The following NNT variants were observed in gnomAD, a reference collection of about 807,000 sequenced individuals.
NNT encodes the protein NAD(P) transhydrogenase, mitochondrial.
A neutral mutation model predicts 104.8 loss-of-function variants in NNT; 50 were observed. The observed-to-expected ratio is 0.48, with a 90% CI of 0.38 to 0.60. The LOEUF (loss-of-function observed/expected upper bound fraction) is 0.60. Among genes scored for constraint, NNT ranks in the 20% least tolerant of loss-of-function variants. The pLI is 0.00. For synonymous variants in NNT, 461 were observed against 490.4 expected (o/e 0.94, Z 0.79); for missense variants, 1,131 against 1,330.7 (o/e 0.85, Z 2.33).
chr5:43,702,039 A>G (rs1489509137), intron 20 of NNT, among the ~76,000 whole-genome samples: 1 of 151,884 alleles, frequency 6.6e-6, no homozygotes, highest in Non-Finnish European at 1.5e-5. Flanking sequence ...ATTTGTGAAT[A>G]TTTTCTCTCA....
chr5:43,657,328 T>C (rs1256152015), intron 16 of NNT, among the ~76,000 whole-genome samples: 1 of 152,200 alleles, frequency 6.6e-6, no homozygotes, highest in Non-Finnish European at 1.5e-5. Flanking sequence ...AGGTTTGGCT[T>C]TCTTCTTTCT....
intron 10 of NNT, among the ~76,000 whole-genome samples, chr5:43,648,915 A>T (rs1243394003): frequency 6.6e-6 from 1 of 152,226 alleles, no homozygotes; most frequent in Non-Finnish European, 1.5e-5. Context: ...CATAAATATT[A>T]CTAGATCTTT....
intron 6 of NNT, among the ~76,000 whole-genome samples, chr5:43,627,153 T>C (rs1266099444): frequency 1.3e-5 from 2 of 152,212 alleles, no homozygotes; most frequent in East Asian, 3.8e-4. Flanking sequence ...GTCTTCCTCC[T>C]AAGGCTGATT....
At chr5:43,682,374 C>T (rs1460740574) in intron 19 of NNT, among the ~76,000 whole-genome samples, 1 of 141,094 alleles carries the variant, frequency 7.1e-6, no homozygotes, top group Non-Finnish European at 1.6e-5. Flanking sequence ...CCACGCCTGA[C>T]TAATTTTTGT....
In NNT at chr5:43,675,654, C is replaced by G. The variant is rs1451092520; in HGVS notation, c.2778C>G (p.Ser926Arg). 2.5e-6 allele frequency: 4 copies of G among 1,603,494 alleles called. No individual in the cohort carries two copies. Among genetic ancestry groups the G allele is most frequent in the Non-Finnish European group, 3.4e-6 (4 of 1,175,636 alleles). The change falls in exon 18 of 22, where the codon AGC becomes AGG. Residue 926 changes from serine (S) to arginine (R), a missense_variant. Transcript: ENST00000344920. ...NAIDMIREAN[S>R]IIITPGYGLC... is the part of the protein sequence containing the mutation. ...TTGACATGATTCGAGAAGCTAATAG[C>G]ATTATTATTACACCAGGTAAAGAAA...
At chr5:43,640,853 A>G (rs1374641780) in intron 7 of NNT, among the ~76,000 whole-genome samples, 7 of 150,830 alleles carry the variant, frequency 4.6e-5, no homozygotes, top group African/African-American at 1.7e-4. Flanking sequence ...ATTTTCATAT[A>G]CATCATATAT....
At position 43,705,532 on chromosome 5, in the gene NNT, G is replaced by C. The variant is rs1299699808; in HGVS notation, c.*1128G>C. On this transcript the variant is annotated 3_prime_UTR_variant, in exon 22 of 22. Coordinates refer to ENST00000344920, the MANE Select transcript of NNT (RefSeq NM_182977.3). ...TTGTGACTTTGCTATCGTGCCTAAA[G>C]CTCTAAATATAGGTGAATGTGTGAT... The C allele has an allele frequency of 6.6e-6, 1 of 151,920 alleles. No individual in the cohort carries two copies. Among genetic ancestry groups the C allele is most frequent in the Non-Finnish European group, 1.5e-5 (1 of 67,932 alleles). The allele number at this position is 151,920 out of a possible 1,614,324, so 9.4% of individuals were successfully genotyped here.
intron 17 of NNT, among the ~76,000 whole-genome samples, chr5:43,670,427 A>G (rs1034739115): frequency 1.2e-4 from 19 of 152,318 alleles, no homozygotes; most frequent in African/African-American, 4.6e-4. Flanking sequence ...TTAGTGCTAT[A>G]AATTTCCCTC....
At chr5:43,636,323 A>G (rs908834273) in intron 7 of NNT, among the ~76,000 whole-genome samples, 3 of 152,176 alleles carry the variant, frequency 2.0e-5, no homozygotes, top group African/African-American at 7.2e-5. Context: ...GATTATGTGG[A>G]CCATTGAAGA....
At chr5:43,700,379 A>G in intron 20 of NNT, 142 bp downstream of exon 20, 1 of 574,462 alleles carries the variant, frequency 1.7e-6, no homozygotes, top group South Asian at 2.6e-5. Context: ...ATAAGTTGAA[A>G]TTAAATAAGT....
chr5:43,672,968 C>G (rs994590611), intron 17 of NNT, among the ~76,000 whole-genome samples: 1 of 152,244 alleles, frequency 6.6e-6, no homozygotes, highest in African/African-American at 2.4e-5. Flanking sequence ...TTTACCTACT[C>G]AAGGCTCAGC....
chr5:43,669,087 T>C (rs1740888174), intron 17 of NNT, among the ~76,000 whole-genome samples: 1 of 152,198 alleles, frequency 6.6e-6, no homozygotes, highest in Admixed American at 6.5e-5. Flanking sequence ...TGTTTGTCTG[T>C]TATTGGTGTA....
chr5:43,609,358 C>G lies in NNT; in HGVS notation c.151+12C>G, dbSNP rs746531939. 12 of 1,611,992 alleles carry G rather than the reference C, an allele frequency of 7.4e-6. No homozygotes were observed. The highest frequency in any genetic ancestry group is 6.7e-5 in the Admixed American group (4 of 59,748). ...GCCTGTAAAACCAGGTAAAGTCTCA[C>G]TTCAGTGATTGTAAATGAAACCTTC... On this transcript the variant is annotated intron_variant, in intron 2 of 21. Transcript: ENST00000344920.
chr5:43,697,020 C>T (rs764301359), intron 19 of NNT, among the ~76,000 whole-genome samples: 2 of 152,214 alleles, frequency 1.3e-5, no homozygotes, highest in Admixed American at 6.5e-5. Context: ...TTAGGCTCCT[C>T]ATTACTTATG....
chr5:43,644,840 G>GT, intron 9 of NNT, 38 bp downstream of exon 9: 1 of 1,490,374 alleles, frequency 6.7e-7, no homozygotes, highest in Non-Finnish European at 9.0e-7. Flanking sequence ...TGCTTTTAAT[G>GT]TAAATTTGTT....
At chr5:43,632,127 A>G (rs1014167859) in intron 7 of NNT, among the ~76,000 whole-genome samples, 2 of 152,232 alleles carry the variant, frequency 1.3e-5, no homozygotes, top group Non-Finnish European at 2.9e-5. Context: ...TGAAGGTACA[A>G]ATGCCCTTTG....
intron 17 of NNT, among the ~76,000 whole-genome samples, chr5:43,670,728 C>T (rs1280108021): frequency 1.3e-5 from 2 of 152,098 alleles, no homozygotes; most frequent in African/African-American, 4.8e-5. Flanking sequence ...GGAATAAGTG[C>T]AGTGTGGTGC....
intron 17 of NNT, among the ~76,000 whole-genome samples, chr5:43,666,549 C>T (rs982651437): frequency 1.3e-5 from 2 of 151,306 alleles, no homozygotes; most frequent in African/African-American, 4.9e-5. Flanking sequence ...ACAGTACAGT[C>T]CAGCCTCAGC....
intron 1 of NNT, among the ~76,000 whole-genome samples, chr5:43,605,998 A>G (rs1374634996): frequency 1.3e-5 from 2 of 152,218 alleles, no homozygotes; most frequent in Non-Finnish European, 2.9e-5. Context: ...GTTTTATAGC[A>G]TTACAAAGTC....
Sources: allele counts gnomAD v4.1 joint callset (sites outside exome capture counted in the v4.1 genomes callset), GRCh38; gene constraint gnomAD v4.1.1; transcripts MANE v1.5; gene names NCBI Gene and HGNC (gene_info 2026-07-23, HGNC 2026-07-21).